ASXL3: variants seen among roughly 807,000 people sequenced by gnomAD.
ASXL3 encodes ASXL transcriptional regulator 3, also known as putative Polycomb group protein ASXL3.
A neutral mutation model predicts 170.6 loss-of-function variants in ASXL3; 34 were observed. That is an observed-to-expected ratio of 0.20 (90% CI 0.15 to 0.27). ASXL3 has a LOEUF of 0.27. ASXL3 is among the 10% of genes least tolerant of loss of function. The pLI, the probability that ASXL3 is intolerant of heterozygous loss-of-function variation, is 1.00. For synonymous variants in ASXL3, 1,002 were observed against 989.1 expected (o/e 1.01, Z -0.24); for missense variants, 2,592 against 2,695.3 (o/e 0.96, Z 0.85).
In ASXL3 at chr18:33,578,800, C is replaced by A. The variant is rs1032671684; in HGVS notation, c.54+115C>A. On this transcript the variant is annotated intron_variant, in intron 1 of 11. Transcript: ENST00000269197. ...CCAGCCCGAGCCGCCGCCCGCTCGC[C>A]GGGCTCCTGCTCTTTGTTATTCTGC... 8.1e-6 allele frequency: 5 copies of A among 613,920 alleles called. No individual in the cohort carries two copies. The East Asian group carries it at 3.7e-4, about 45-fold the overall frequency. 38.0% of individuals were successfully genotyped at this position (613,920 alleles called of 1,614,324 possible).
At chr18:33,723,216 G>C (rs1028928791) in intron 8 of ASXL3, among the ~76,000 whole-genome samples, 1 of 152,080 alleles carries the variant, frequency 6.6e-6, no homozygotes, top group Non-Finnish European at 1.5e-5. Flanking sequence ...TTTAAGAAAT[G>C]CATTTTCTAA....
Position 33,670,698 on chromosome 18 carries a change from G to T in ASXL3, c.503G>T (p.Arg168Ile). ...KQALRQQQKR[R>I]NGVSMMVNKT... The stretch of plus-strand genomic sequence containing the variant: ...GCTTTGAGGCAGCAGCAGAAAAGAA[G>T]AAATGGAGTCTCAATGATGGTAAAC... Residue 168 changes from arginine to isoleucine, a missense_variant, in exon 6 of 12, where the codon AGA becomes ATA. Around this residue, in one of 4 missense-constraint regions of ASXL3, gnomAD observed 251 missense variants for 281.9 expected, o/e 0.89. Transcript: ENST00000269197. The T allele has an allele frequency of 6.4e-7, 1 of 1,567,506 alleles. No homozygotes were observed. The highest frequency in any genetic ancestry group is 1.4e-5 in the African/African-American group (1 of 73,914).
chr18:33,621,126 C>T (rs1315010113), intron 2 of ASXL3, among the ~76,000 whole-genome samples: 3 of 152,122 alleles, frequency 2.0e-5, no homozygotes, highest in Non-Finnish European at 4.4e-5. Flanking sequence ...TATTTTGTTT[C>T]TGGTAAGGAT....
chr18:33,699,135 T>C (rs2066826277), intron 8 of ASXL3, among the ~76,000 whole-genome samples: 1 of 151,972 alleles, frequency 6.6e-6, no homozygotes, highest in Non-Finnish European at 1.5e-5. Context: ...GAGATACATA[T>C]ATAGGCCAAG....
intron 8 of ASXL3, among the ~76,000 whole-genome samples, chr18:33,714,610 A>C (rs1056558078): frequency 9.2e-5 from 14 of 152,110 alleles, no homozygotes; most frequent in Non-Finnish European, 1.2e-4. Flanking sequence ...TTCCCATAAG[A>C]AGCAAGCTCC....
At chr18:33,626,948 CATG>C (rs2065612563) in intron 2 of ASXL3, 1 of 152,942 alleles carries the variant, frequency 6.5e-6, no homozygotes, top group African/African-American at 2.4e-5. Flanking sequence ...GACAACTTTC[CATG>C]ATGATTATAT....
At position 33,739,424 on chromosome 18, in the gene ASXL3, G is replaced by A. The variant is rs2067613850; in HGVS notation, c.2020G>A (p.Ala674Thr). The A allele has an allele frequency of 6.8e-6, 11 of 1,613,886 alleles. No individual in the cohort carries two copies. The highest frequency in any genetic ancestry group is 9.3e-6 in the Non-Finnish European group (11 of 1,179,860). Reference protein sequence around the residue: ...QRNSTDENFHASLMSEISPIS... With the variant: ...QRNSTDENFHTSLMSEISPIS... ...AAATTCCACTGATGAAAACTTTCAT[G>A]CATCTTTGATGTCAGAAATATCTCC... Residue 674 changes from alanine (A) to threonine (T), a missense_variant, in exon 11 of 12, where the codon GCA becomes ACA. By Grantham distance (58) the Ala-to-Thr change is moderately conservative (BLOSUM62 0). Transcript: ENST00000269197.
intron 2 of ASXL3, among the ~76,000 whole-genome samples, chr18:33,611,628 T>C (rs969425879): frequency 2.0e-5 from 3 of 152,120 alleles, no homozygotes; most frequent in African/African-American, 7.2e-5. Context: ...CTGCTGCTTT[T>C]GTGGATGGAT....
rs767842192 is a variant in ASXL3, at chr18:33,738,619, A to G, written c.1215A>G (p.Pro405=). The change falls in exon 11 of 12, where the codon CCA becomes CCG. Residue 405 remains proline, a synonymous_variant. Transcript: ENST00000269197. ...SAQTALAEQQ[P]KSMKSPASPE... ...AGACAGCCTTGGCAGAACAACAGCC[A>G]AAAAGCATGAAAAGCCCAGCTTCTC... The G allele has an allele frequency of 2.5e-6, 4 of 1,613,808 alleles. No individual in the cohort carries two copies. Among genetic ancestry groups the G allele is most frequent in the Non-Finnish European group, 3.4e-6 (4 of 1,179,864 alleles).
In ASXL3 at chr18:33,743,789, T is replaced by A. The variant is rs1206035404; in HGVS notation, c.3941T>A (p.Ile1314Lys). The change falls in exon 12 of 12, where the codon ATA becomes AAA. Residue 1314 changes from isoleucine to lysine, a missense_variant. By Grantham distance (102) the Ile-to-Lys change is moderately radical (BLOSUM62 -3). Transcript: ENST00000269197. ...PISATTEGSS[I>K]SSSMDDKQLL... is the part of the protein sequence containing the mutation. The stretch of plus-strand genomic sequence containing the variant: ...TCAGCCACTACAGAGGGCTCCAGCA[T>A]ATCAAGCTCCATGGATGATAAGCAG... 2 of 1,613,882 alleles carry A rather than the reference T, an allele frequency of 1.2e-6. No homozygotes were observed. The highest frequency in any genetic ancestry group is 2.7e-5 in the African/African-American group (2 of 74,932).
intron 4 of ASXL3, among the ~76,000 whole-genome samples, chr18:33,648,543 T>A (rs1205526063): frequency 6.6e-6 from 1 of 152,088 alleles, no homozygotes; most frequent in African/African-American, 2.4e-5. Flanking sequence ...TTTTTCAATA[T>A]CTAGGTGGAC....
At chr18:33,659,589 A>G (rs538028716) in intron 4 of ASXL3, among the ~76,000 whole-genome samples, 1 of 152,278 alleles carries the variant, frequency 6.6e-6, no homozygotes, top group African/African-American at 2.4e-5. Context: ...TGAAAAGGCT[A>G]TCTGTATTAT....
intron 7 of ASXL3, among the ~76,000 whole-genome samples, chr18:33,678,771 A>G (rs1053290940): frequency 2.6e-5 from 4 of 152,220 alleles, no homozygotes; most frequent in South Asian, 2.1e-4. Context: ...ACAATCATAT[A>G]TAATTGGATT....
chr18:33,628,018 C>CT (rs1368720770), intron 2 of ASXL3, among the ~76,000 whole-genome samples: 5 of 152,178 alleles, frequency 3.3e-5, no homozygotes, highest in Non-Finnish European at 4.4e-5. Flanking sequence ...TTAGAACTGT[C>CT]TGTTCAATGT....
chr18:33,732,636 G>A (rs952860052), intron 9 of ASXL3, among the ~76,000 whole-genome samples: 3 of 151,964 alleles, frequency 2.0e-5, no homozygotes, highest in African/African-American at 7.2e-5. Flanking sequence ...CAGGCAGATC[G>A]CTTGAGCTCA....
intron 1 of ASXL3, among the ~76,000 whole-genome samples, chr18:33,588,464 C>T (rs949400746): frequency 6.7e-6 from 1 of 149,650 alleles, no homozygotes; most frequent in East Asian, 2.0e-4. Flanking sequence ...AGTGAAAACA[C>T]ATAGACAAGG....
intron 1 of ASXL3, among the ~76,000 whole-genome samples, chr18:33,587,417 C>T (rs745427363): frequency 2.6e-5 from 4 of 152,096 alleles, no homozygotes; most frequent in South Asian, 2.1e-4. Context: ...TCTTATATCA[C>T]GCTCCCTCTT....
intron 8 of ASXL3, among the ~76,000 whole-genome samples, chr18:33,697,971 G>A (rs2066799964): frequency 6.6e-6 from 1 of 152,084 alleles, no homozygotes; most frequent in Admixed American, 6.6e-5. Flanking sequence ...CAGCTTCAGT[G>A]TATTGCTAGC....
In ASXL3 at chr18:33,747,058, G is replaced by A. The variant is rs550112030; in HGVS notation, c.*463G>A. 6.5e-6 allele frequency: 1 copy of A among 153,742 alleles called. No individual in the cohort carries two copies. Among genetic ancestry groups the A allele is most frequent in the Admixed American group, 6.5e-5 (1 of 15,362 alleles). 9.5% of individuals were successfully genotyped at this position (153,742 alleles called of 1,614,324 possible). A position where few individuals can be genotyped will look rare whatever the true frequency, so the allele number is the denominator to read the frequency against. On this transcript the variant is annotated 3_prime_UTR_variant, in exon 12 of 12. Transcript: ENST00000269197. ...TCTCTGAACCTAGCTTTACCACAGT[G>A]ATTAAATCCTATTTAGAAAGGGGAA...
Sources: gnomAD v4.1 joint callset for allele counts (sites outside exome capture counted in the v4.1 genomes callset) on GRCh38, gnomAD v4.1.1 for gene constraint, gnomAD v4.1.1 regional missense constraint, MANE v1.5 for transcripts, NCBI Gene and HGNC (gene_info 2026-07-23, HGNC 2026-07-21) for gene names.